Variants in EYS observed in about 807,000 individuals in gnomAD.
EYS encodes the protein protein eyes shut homolog.
Under a neutral mutation model 282.1 loss-of-function variants are expected in EYS, and 250 were observed. The observed-to-expected ratio is 0.89, with a 90% CI of 0.80 to 0.98. The LOEUF (loss-of-function observed/expected upper bound fraction) is 0.98. EYS is among the 50% of genes least tolerant of loss of function. The probability of loss-of-function intolerance (pLI) is 0.00; values close to 1 mark genes in which losing one functional copy is unlikely to be tolerated. For missense variants in EYS, 4,016 were observed against 3,709.0 expected, an observed-to-expected ratio of 1.08 and a Z score of -2.15; for synonymous variants, 1,355 against 1,282.9, an observed-to-expected ratio of 1.06 and a Z score of -1.20.
chr6:64,622,904 A>T (rs1485992301), intron 23 of EYS, among the ~76,000 whole-genome samples: 1 of 152,190 alleles, frequency 6.6e-6, no homozygotes, highest in East Asian at 1.9e-4. Flanking sequence ...GAAATGAATC[A>T]GTCTTTGTGT....
At chr6:64,125,175 T>TCTCTCTCGCGCGCGCG (rs1562213596) in intron 31 of EYS, among the ~76,000 whole-genome samples, 2 of 150,306 alleles carry the variant, frequency 1.3e-5, no homozygotes, top group African/African-American at 2.5e-5. Context: ...TCTCTCTCTC[T>TCTCTCTCGCGCGCGCG]CGCTCTCTCT....
At chr6:64,816,186 G>A (rs1199145144) in intron 21 of EYS, among the ~76,000 whole-genome samples, 1 of 151,994 alleles carries the variant, frequency 6.6e-6, no homozygotes, top group Non-Finnish European at 1.5e-5. Context: ...AACAGAACAC[G>A]GTACCTACTA....
chr6:63,799,788 C>A (rs1770739566), intron 37 of EYS, among the ~76,000 whole-genome samples: 1 of 152,160 alleles, frequency 6.6e-6, no homozygotes, highest in African/African-American at 2.4e-5. Flanking sequence ...ACCACAAGTG[C>A]TATGTAGGCT....
chr6:63,830,664 T>G (rs1771605739), intron 36 of EYS, among the ~76,000 whole-genome samples: 1 of 152,184 alleles, frequency 6.6e-6, no homozygotes, highest in Non-Finnish European at 1.5e-5. Flanking sequence ...CCAGGAGAAC[T>G]TCCCCAACCT....
chr6:64,427,331 A>T (rs957249821), intron 28 of EYS, among the ~76,000 whole-genome samples: 2 of 152,134 alleles, frequency 1.3e-5, no homozygotes, highest in Non-Finnish European at 2.9e-5. Flanking sequence ...CCAAAGCAGC[A>T]GGTAACCAAC....
intron 2 of EYS, among the ~76,000 whole-genome samples, chr6:65,609,194 A>G (rs1253721084): frequency 1.3e-5 from 2 of 151,986 alleles, no homozygotes; most frequent in African/African-American, 4.8e-5. Context: ...GCATTGCACT[A>G]CTACATTACC....
chr6:64,029,390 A>T (rs1026866391), intron 33 of EYS, among the ~76,000 whole-genome samples: 27 of 152,208 alleles, frequency 1.8e-4, no homozygotes, highest in African/African-American at 6.5e-4. Context: ...TACAAGGAAA[A>T]GATCTCACTG....
intron 22 of EYS, among the ~76,000 whole-genome samples, chr6:64,722,643 A>T (rs1017366766): frequency 5.3e-5 from 8 of 152,124 alleles, no homozygotes; most frequent in South Asian, 2.1e-4. Flanking sequence ...AGTAAAACTA[A>T]TTTTTTTCAC....
intron 32 of EYS, among the ~76,000 whole-genome samples, chr6:64,078,472 G>C (rs1582236783): frequency 6.6e-6 from 1 of 152,120 alleles, no homozygotes; most frequent in African/African-American, 2.4e-5. Context: ...TTATGAGGTT[G>C]ACAGATTCTA....
intron 36 of EYS, among the ~76,000 whole-genome samples, chr6:63,863,658 CTTTTCTTTTCTT>C (rs201709697): frequency 0.61 from 47,478 of 77,996 alleles, 11,616 homozygotes; most frequent in Middle Eastern, 0.71. Context: ...CTTTTCTTTT[CTTTTCTTTTCTT>C]TTTTCTTTTT....
chr6:65,517,003 G>A (rs1262105523), intron 2 of EYS, among the ~76,000 whole-genome samples: 1 of 151,744 alleles, frequency 6.6e-6, no homozygotes, highest in East Asian at 1.9e-4. Flanking sequence ...AATACTATGT[G>A]GATAATAGCT....
intron 31 of EYS, among the ~76,000 whole-genome samples, chr6:64,208,019 A>G (rs982843217): frequency 5.3e-5 from 8 of 152,166 alleles, no homozygotes; most frequent in African/African-American, 1.2e-4. Context: ...ACAGATCTCA[A>G]AATTTTTCTG....
chr6:65,320,937 G>A (rs1769457298), intron 11 of EYS, among the ~76,000 whole-genome samples: 1 of 152,126 alleles, frequency 6.6e-6, no homozygotes, highest in Non-Finnish European at 1.5e-5. Flanking sequence ...GTTGGCTAAG[G>A]CAATCAGGTC....
In EYS at chr6:65,162,590, A is replaced by G. The variant is rs185674370; in HGVS notation, c.2024-104863T>C. Among the ~76,000 whole-genome samples the G allele has an allele frequency of 1.1e-3, 162 of 151,038 alleles. 1 individual carries two copies. Among genetic ancestry groups the G allele is most frequent in the African/African-American group, 3.8e-3 (155 of 41,222 alleles). On this transcript the variant is annotated intron_variant, in intron 12 of 42. Coordinates refer to ENST00000503581, the MANE Select transcript of EYS (RefSeq NM_001142800.2). The stretch of plus-strand genomic sequence containing the variant: ...TTTCAATTAACTAATTCTGATTACC[A>G]CTTTATGGCTATTTTATTTTATTTT...
At chr6:65,419,413 A>G (rs1262976956) in intron 5 of EYS, among the ~76,000 whole-genome samples, 4 of 151,958 alleles carry the variant, frequency 2.6e-5, no homozygotes, top group African/African-American at 9.7e-5. Context: ...ATAAATTTAT[A>G]GTGGTTGAAA....
At chr6:65,014,413 G>T (rs1189298909) in intron 13 of EYS, among the ~76,000 whole-genome samples, 2 of 152,146 alleles carry the variant, frequency 1.3e-5, no homozygotes, top group African/African-American at 4.8e-5. Flanking sequence ...ATTCAGCACA[G>T]AAAAGTAATA....
At chr6:63,991,255 G>A (rs1048594765) in intron 34 of EYS, among the ~76,000 whole-genome samples, 1 of 151,646 alleles carries the variant, frequency 6.6e-6, no homozygotes, top group Non-Finnish European at 1.5e-5. Context: ...TGTACAAAAA[G>A]CCAGTCCAAA....
At chr6:64,511,031 A>G (rs1777374092) in intron 26 of EYS, among the ~76,000 whole-genome samples, 2 of 151,922 alleles carry the variant, frequency 1.3e-5, no homozygotes, top group African/African-American at 4.8e-5. Flanking sequence ...CTAATTCTGA[A>G]TAGCAAAGAT....
At chr6:65,704,199 A>G (rs1297512369) in intron 1 of EYS, among the ~76,000 whole-genome samples, 1 of 152,236 alleles carries the variant, frequency 6.6e-6, no homozygotes, top group Non-Finnish European at 1.5e-5. Context: ...CTTAATATGT[A>G]TTGAGTTCTC....
Sources: allele counts gnomAD v4.1 joint callset (sites outside exome capture counted in the v4.1 genomes callset), GRCh38; gene constraint gnomAD v4.1.1; transcripts MANE v1.5; gene names NCBI Gene and HGNC (gene_info 2026-07-23, HGNC 2026-07-21).